Variants in EFCC1 observed in about 807,000 individuals in gnomAD.
EFCC1 encodes EF-hand and coiled-coil domain-containing protein 1.
Under a neutral mutation model 52.1 loss-of-function variants are expected in EFCC1, and 50 were observed. That is an observed-to-expected ratio of 0.96 (90% CI 0.76 to 1.21). EFCC1 has a LOEUF of 1.21. Ranked by LOEUF, EFCC1 falls within the 50% of genes most tolerant of loss-of-function variation. EFCC1 has a pLI of 0.00. For missense variants in EFCC1, 837 were observed against 867.3 expected (o/e 0.97, Z 0.44); for synonymous variants, 399 against 396.5 (o/e 1.01, Z -0.08).
chr3:129,039,559 G>A (rs952085243), intron 7 of EFCC1, among the ~76,000 whole-genome samples, 153 bp from the exon 8 acceptor site: 4 of 152,222 alleles, frequency 2.6e-5, no homozygotes, highest in Admixed American at 2.6e-4. Context: ...AGGGTCCTCA[G>A]GGGGAGGTGG....
At position 129,003,701 on chromosome 3, in the gene EFCC1, T is replaced by C; in HGVS notation, c.697-93T>C. 3 of 1,172,744 alleles carry C rather than the reference T, an allele frequency of 2.6e-6. No individual in the cohort carries two copies. The South Asian group carries it at 7.1e-5, about 28-fold the overall frequency. The allele number at this position is 1,172,744 out of a possible 1,614,324, so 72.6% of individuals were successfully genotyped here. ...AGAAACGTGCTCAAGCGCTTCTGGG[T>C]GCAGAGGCATGGGGCCGCCGTCGTG... On this transcript the variant is annotated intron_variant, in intron 1 of 7. Coordinates refer to ENST00000683648, the MANE Select transcript of EFCC1 (RefSeq NM_001377500.1).
At chr3:129,005,676 G>T (rs866223778) in intron 2 of EFCC1, among the ~76,000 whole-genome samples, 3 of 152,246 alleles carry the variant, frequency 2.0e-5, no homozygotes, top group African/African-American at 7.2e-5. Context: ...CCAGGCTGGG[G>T]GTGGAGCAGC....
At chr3:129,026,951 C>T (rs887335085) in intron 2 of EFCC1, among the ~76,000 whole-genome samples, 2 of 152,174 alleles carry the variant, frequency 1.3e-5, no homozygotes, top group African/African-American at 4.8e-5. Flanking sequence ...CCAGGGTTAG[C>T]CCTGGCTTTA....
intron 2 of EFCC1, among the ~76,000 whole-genome samples, chr3:129,013,396 A>G (rs1945421234): frequency 6.6e-6 from 1 of 152,168 alleles, no homozygotes; most frequent in African/African-American, 2.4e-5. Flanking sequence ...TCAACTAAAA[A>G]TCTCAAGCGT....
intron 2 of EFCC1, among the ~76,000 whole-genome samples, chr3:129,015,286 A>C (rs924863202): frequency 6.6e-6 from 1 of 152,028 alleles, no homozygotes; most frequent in African/African-American, 2.4e-5. Flanking sequence ...TTCACCCTTC[A>C]GGTCTTGCCA....
At chr3:129,025,351 G>A (rs1946059971) in intron 2 of EFCC1, among the ~76,000 whole-genome samples, 1 of 152,152 alleles carries the variant, frequency 6.6e-6, no homozygotes, top group Non-Finnish European at 1.5e-5. Flanking sequence ...TCCCAGAGGA[G>A]AGCAGTCTCC....
intron 1 of EFCC1, chr3:129,002,686 T>G: frequency 3.8e-6 from 1 of 262,466 alleles, no homozygotes; most frequent in Non-Finnish European, 7.1e-6. Context: ...TTCTCTCTCC[T>G]TCCTGCCAGG....
chr3:129,023,125 T>A (rs1286359838), intron 2 of EFCC1, among the ~76,000 whole-genome samples: 1 of 152,228 alleles, frequency 6.6e-6, no homozygotes, highest in Non-Finnish European at 1.5e-5. Flanking sequence ...ACAGAGTTTA[T>A]CTGAGTAAAG....
intron 2 of EFCC1, among the ~76,000 whole-genome samples, chr3:129,012,436 C>T (rs747346236): frequency 6.6e-6 from 1 of 152,118 alleles, no homozygotes; most frequent in South Asian, 2.1e-4. Context: ...CTTGTCCCTG[C>T]CTGGTTCTAC....
rs149000196 is a variant in EFCC1, at chr3:129,035,961, T to C, written c.1453-1016T>C. ...AGCAAACATGCGCCACGGCTGTCCCTGTTTCTAGCACTCTTCTGTGTTGTG... is the reference window on the plus strand; with the variant it reads ...AGCAAACATGCGCCACGGCTGTCCCCGTTTCTAGCACTCTTCTGTGTTGTG... On this transcript the variant is annotated intron_variant, in intron 5 of 7. Coordinates refer to ENST00000683648, the MANE Select transcript of EFCC1 (RefSeq NM_001377500.1). Among the ~76,000 whole-genome samples the C allele has an allele frequency of 2.5e-3, 384 of 152,354 alleles. 2 individuals are homozygous for C. Among genetic ancestry groups the C allele is most frequent in the African/African-American group, 8.9e-3 (372 of 41,586 alleles).
rs1225932564 is a variant in EFCC1, at chr3:129,010,523, G to T, written c.980+6446G>T. 6.6e-6 allele frequency among the ~76,000 whole-genome samples: 1 copy of T among 152,084 alleles called. No individual in the cohort carries two copies. The highest frequency in any genetic ancestry group is 2.4e-5 in the African/African-American group (1 of 41,406). ...GGATGGAGGAAAGGGGGTGGGAGAG[G>T]GAGGGAGGAGGGACGGCAATTGGCT... On this transcript the variant is annotated intron_variant, in intron 2 of 7. Transcript: ENST00000683648. The surrounding 1 kb of genome is among the most constrained non-coding windows in gnomAD (Gnocchi z 4.3).
intron 2 of EFCC1, among the ~76,000 whole-genome samples, chr3:129,022,099 T>C (rs1410441269): frequency 6.6e-6 from 1 of 152,162 alleles, no homozygotes; most frequent in Admixed American, 6.5e-5. Context: ...AAGCTTCAGA[T>C]CCTCTAGGAT....
At chr3:129,027,368 C>T (rs1357502652) in intron 2 of EFCC1, among the ~76,000 whole-genome samples, 4 of 152,174 alleles carry the variant, frequency 2.6e-5, no homozygotes, top group Non-Finnish European at 4.4e-5. Context: ...CGGCTGGCTC[C>T]CCTCTTGGGC....
intron 2 of EFCC1, among the ~76,000 whole-genome samples, chr3:129,030,109 C>CCGGGAGGTTTGGCTG: frequency 6.6e-6 from 1 of 152,068 alleles, no homozygotes; most frequent in African/African-American, 2.4e-5. Flanking sequence ...TCGCTTGAGC[C>CCGGGAGGTTTGGCTG]CGGGAGGTTT....
chr3:129,009,136 A>G (rs1233540235), intron 2 of EFCC1, among the ~76,000 whole-genome samples: 1 of 152,030 alleles, frequency 6.6e-6, no homozygotes, highest in African/African-American at 2.4e-5. Context: ...ACTTCTCCCA[A>G]CTTAGTTCCA....
intron 5 of EFCC1, 149 bp downstream of exon 5, chr3:129,034,478 TA>T: frequency 1.1e-6 from 1 of 926,396 alleles, no homozygotes; most frequent in Non-Finnish European, 1.6e-6. Flanking sequence ...GATTTAAATT[TA>T]ATAAGAAATA....
chr3:129,027,964 TAATAA>T (rs905698106), intron 2 of EFCC1, among the ~76,000 whole-genome samples: 2 of 150,902 alleles, frequency 1.3e-5, no homozygotes, highest in African/African-American at 4.9e-5. Context: ...AGTAAATAAA[TAATAA>T]AATAAAAATA....
rs1945497522 is a variant in EFCC1 at position 129,014,788 on chromosome 3, C to T, written c.980+10711C>T. On this transcript the variant is annotated intron_variant, in intron 2 of 7. Coordinates refer to ENST00000683648, the MANE Select transcript of EFCC1 (RefSeq NM_001377500.1). This position sits in a 1 kb window ranked among gnomAD's most constrained non-coding sequence, Gnocchi z 4.3. ...ATCACAGGGCTGGGCACAAGCTTGG[C>T]TTGTCTGCACTGCCTGCACGGGGAC... Among the ~76,000 whole-genome samples the T allele has an allele frequency of 6.6e-6, 1 of 152,176 alleles. No homozygotes were observed. Among genetic ancestry groups the T allele is most frequent in the Non-Finnish European group, 1.5e-5 (1 of 68,034 alleles).
At chr3:129,035,518 G>A (rs1159176348) in intron 5 of EFCC1, among the ~76,000 whole-genome samples, 1 of 152,242 alleles carries the variant, frequency 6.6e-6, no homozygotes, top group Admixed American at 6.5e-5. Flanking sequence ...CAAGACAGAA[G>A]GTAGCAGGCC....
Sources: gnomAD v4.1 joint callset for allele counts (sites outside exome capture counted in the v4.1 genomes callset) on GRCh38, gnomAD v4.1.1 for gene constraint, Gnocchi (gnomAD v3.1) non-coding constraint, MANE v1.5 for transcripts, NCBI Gene and HGNC (gene_info 2026-07-23, HGNC 2026-07-21) for gene names.